TMCO4: variants seen among roughly 807,000 people sequenced by gnomAD.
TMCO4 encodes transmembrane and coiled-coil domain-containing protein 4.
A neutral mutation model predicts 64.7 loss-of-function variants in TMCO4; 58 were observed. The ratio of observed to expected loss-of-function variants is 0.90; its 90% CI spans 0.73 to 1.12. The LOEUF (loss-of-function observed/expected upper bound fraction) is 1.12. Among genes scored for constraint, TMCO4 ranks in the 50% most tolerant of loss-of-function variants. The probability of loss-of-function intolerance (pLI) is 0.00; values close to 1 mark genes in which losing one functional copy is unlikely to be tolerated. For synonymous variants in TMCO4, 325 were observed against 346.1 expected (o/e 0.94, Z 0.68); for missense variants, 780 against 825.9 (o/e 0.94, Z 0.68).
At chr1:19,721,850 C>T (rs2095385644) in intron 13 of TMCO4, among the ~76,000 whole-genome samples, 2 of 152,056 alleles carry the variant, frequency 1.3e-5, no homozygotes, top group African/African-American at 4.8e-5. Context: ...TTGGAAAAGT[C>T]CAGGGCCAAA....
At chr1:19,707,807 A>G (rs2095309992) in intron 13 of TMCO4, among the ~76,000 whole-genome samples, 1 of 152,206 alleles carries the variant, frequency 6.6e-6, no homozygotes, top group South Asian at 2.1e-4. Context: ...AACAGGAAGC[A>G]TGACTGGGAG....
intron 13 of TMCO4, among the ~76,000 whole-genome samples, chr1:19,705,366 G>A (rs1480253219): frequency 6.6e-6 from 1 of 152,018 alleles, no homozygotes; most frequent in African/African-American, 2.4e-5. Context: ...TAGGGGAATC[G>A]CTTGAACCCA....
intron 13 of TMCO4, among the ~76,000 whole-genome samples, chr1:19,733,253 C>T (rs745707315): frequency 1.3e-4 from 19 of 151,910 alleles, no homozygotes; most frequent in Non-Finnish European, 1.6e-4. Context: ...GGTGACAGAG[C>T]GAAACTCCGT....
intron 2 of TMCO4, among the ~76,000 whole-genome samples, chr1:19,793,817 C>T (rs1027478948): frequency 1.2e-4 from 18 of 152,308 alleles, no homozygotes; most frequent in African/African-American, 4.3e-4. Flanking sequence ...CTTCCTTCTC[C>T]TGCCTGCTAT....
At position 19,784,355 on chromosome 1, in the gene TMCO4, GA is replaced by G. The variant is rs1328307310; in HGVS notation, c.-9+2670del. 3.9e-5 allele frequency among the ~76,000 whole-genome samples: 6 copies of G among 152,196 alleles called. 1 individual carries two copies. The highest frequency in any genetic ancestry group is 1.4e-4 in the African/African-American group (6 of 41,518). ...TTGAGACCAGCCTGGCCAACATAGT[GA>G]AACCCCGTCTCTACTAAAAATACAA... is the stretch of plus-strand genomic sequence containing the variant. On this transcript the variant is annotated intron_variant, in intron 3 of 15. Coordinates refer to ENST00000294543, the MANE Select transcript of TMCO4 (RefSeq NM_181719.7).
At chr1:19,688,416 C>T (rs1324871162) in intron 15 of TMCO4, among the ~76,000 whole-genome samples, 1 of 152,140 alleles carries the variant, frequency 6.6e-6, no homozygotes, top group Admixed American at 6.5e-5. Flanking sequence ...CTGCCATCAC[C>T]CACCTCCATC....
chr1:19,783,707 T>C (rs2043596673), intron 3 of TMCO4, among the ~76,000 whole-genome samples: 1 of 152,206 alleles, frequency 6.6e-6, no homozygotes, highest in African/African-American at 2.4e-5. Flanking sequence ...TTCCCAAACT[T>C]ACACAGTAAG....
At chr1:19,719,709 T>G (rs1432628757) in intron 13 of TMCO4, among the ~76,000 whole-genome samples, 1 of 151,910 alleles carries the variant, frequency 6.6e-6, no homozygotes, top group Non-Finnish European at 1.5e-5. Context: ...AAAAAAAAAT[T>G]TTGGCTGGGT....
intron 13 of TMCO4, among the ~76,000 whole-genome samples, chr1:19,711,541 T>C (rs868607608): frequency 4.1e-4 from 62 of 152,156 alleles, no homozygotes; most frequent in African/African-American, 1.4e-3. Context: ...CAGGCTGGAG[T>C]GCAATGGCGC....
intron 15 of TMCO4, among the ~76,000 whole-genome samples, chr1:19,693,209 A>C (rs1357292659): frequency 1.5e-5 from 2 of 135,462 alleles, no homozygotes; most frequent in South Asian, 2.6e-4. Context: ...AAGGCCAGGC[A>C]CGGTGGCTCA....
At chr1:19,785,655 G>C (rs1025274022) in intron 3 of TMCO4, among the ~76,000 whole-genome samples, 1 of 152,316 alleles carries the variant, frequency 6.6e-6, no homozygotes, top group Non-Finnish European at 1.5e-5. Context: ...ATGACAAAGC[G>C]ACCTAAGTTG....
chr1:19,687,104 A>G (rs1484370058), intron 15 of TMCO4, among the ~76,000 whole-genome samples: 2 of 152,010 alleles, frequency 1.3e-5, no homozygotes, highest in Non-Finnish European at 2.9e-5. Context: ...GATGTGCACC[A>G]CCACACCTGG....
intron 8 of TMCO4, 78 bp from the exon 9 acceptor site, chr1:19,746,677 C>G: frequency 1.3e-6 from 2 of 1,512,538 alleles, no homozygotes. Flanking sequence ...GTAATCCCAG[C>G]ACTTTGGGAG....
At chr1:19,740,719 T>C in intron 11 of TMCO4, 58 bp downstream of exon 11, 2 of 1,550,602 alleles carry the variant, frequency 1.3e-6, no homozygotes, top group African/African-American at 1.4e-5. Flanking sequence ...ATGGTACCAC[T>C]GTGTTGGGAT....
At chr1:19,711,641 A>C (rs1570716562) in intron 13 of TMCO4, among the ~76,000 whole-genome samples, 1 of 148,678 alleles carries the variant, frequency 6.7e-6, no homozygotes, top group African/African-American at 2.5e-5. Context: ...GACACACACC[A>C]CCATGCTGGG....
At chr1:19,694,786 C>T (rs1356772024) in intron 14 of TMCO4, among the ~76,000 whole-genome samples, 7 of 152,180 alleles carry the variant, frequency 4.6e-5, no homozygotes, top group Non-Finnish European at 1.0e-4. Flanking sequence ...CCAGGTAGCT[C>T]CATGAAGGCG....
chr1:19,781,961 A>ATC (rs1393838110), intron 3 of TMCO4, among the ~76,000 whole-genome samples: 1 of 152,226 alleles, frequency 6.6e-6, no homozygotes, highest in East Asian at 1.9e-4. Flanking sequence ...CAGAACTTTC[A>ATC]TACACTGCTG....
At chr1:19,727,506 G>C in intron 13 of TMCO4, among the ~76,000 whole-genome samples, 1 of 152,224 alleles carries the variant, frequency 6.6e-6, no homozygotes, top group Non-Finnish European at 1.5e-5. Flanking sequence ...GCCTAGTCTA[G>C]TGCTTAGCAC....
chr1:19,706,767 A>C (rs1200455973), intron 13 of TMCO4, among the ~76,000 whole-genome samples: 1 of 152,172 alleles, frequency 6.6e-6, no homozygotes, highest in Non-Finnish European at 1.5e-5. Context: ...TGTGCCGTGA[A>C]AAAAAATGTT....
Sources: gnomAD v4.1 joint callset for allele counts (sites outside exome capture counted in the v4.1 genomes callset) on GRCh38, gnomAD v4.1.1 for gene constraint, MANE v1.5 for transcripts, NCBI Gene and HGNC (gene_info 2026-07-23, HGNC 2026-07-21) for gene names.